Variants in SCAF8 observed in about 807,000 individuals in gnomAD.
SCAF8 encodes SR-related and CTD-associated factor 8.
A neutral mutation model predicts 140.5 loss-of-function variants in SCAF8; 23 were observed. The ratio of observed to expected loss-of-function variants is 0.16; its 90% confidence interval spans 0.12 to 0.23. SCAF8 has a LOEUF of 0.23. SCAF8 is among the 10% of genes least tolerant of loss of function. The pLI is 1.00. For synonymous variants in SCAF8, 575 were observed against 528.9 expected (o/e 1.09, Z -1.20); for missense variants, 1,397 against 1,555.7 (o/e 0.90, Z 1.72).
At chr6:154,761,443 A>G (rs1451198174) in intron 1 of SCAF8, among the ~76,000 whole-genome samples, 1 of 152,088 alleles carries the variant, frequency 6.6e-6, no homozygotes, top group African/African-American at 2.4e-5. Flanking sequence ...CTGAGATTGC[A>G]CCAGTGCACT....
chr6:154,832,658 A>T lies in SCAF8; in HGVS notation c.3079A>T (p.Ile1027Phe). 1 of 1,614,136 alleles carries T rather than the reference A, an allele frequency of 6.2e-7. No individual in the cohort carries two copies. The highest frequency in any genetic ancestry group is 1.1e-5 in the South Asian group (1 of 91,084). ...RFPPIETRESISRPPPVDVRD... is the reference protein window; with the variant it reads ...RFPPIETRESFSRPPPVDVRD... ...TCCTCCTATAGAAACCAGGGAAAGCATTAGTAGACCTCCCCCTGTGGATGT... is the reference window on the plus strand; with the variant it reads ...TCCTCCTATAGAAACCAGGGAAAGCTTTAGTAGACCTCCCCCTGTGGATGT... Residue 1027 changes from isoleucine (I) to phenylalanine (F), a missense_variant, in exon 20 of 20, where the codon ATT (isoleucine) becomes TTT (phenylalanine). Physicochemically the swap from Ile to Phe is conservative, Grantham distance 21. This residue lies in a region of SCAF8 where 930 missense variants were observed against 874.6 expected (regional missense o/e 1.06). Coordinates refer to ENST00000367178, the MANE Select transcript of SCAF8 (RefSeq NM_014892.5).
At chr6:154,741,492 C>T (rs528386177) in intron 1 of SCAF8, among the ~76,000 whole-genome samples, 88 of 152,088 alleles carry the variant, frequency 5.8e-4, no homozygotes, top group African/African-American at 1.8e-3. Context: ...CTGCAACCTC[C>T]GCCTCCTGGG....
At chr6:154,774,822 C>T (rs564320110) in intron 2 of SCAF8, among the ~76,000 whole-genome samples, 5 of 152,198 alleles carry the variant, frequency 3.3e-5, no homozygotes, top group South Asian at 4.1e-4. Flanking sequence ...TAAACATATG[C>T]GCAAAATTTT....
chr6:154,809,345 G>A (rs918514671), intron 11 of SCAF8, among the ~76,000 whole-genome samples: 3 of 152,048 alleles, frequency 2.0e-5, no homozygotes, highest in Non-Finnish European at 4.4e-5. Context: ...GGGGCAGTAC[G>A]TTTGATGAGT....
intron 1 of SCAF8, among the ~76,000 whole-genome samples, chr6:154,756,341 C>T (rs745837638): frequency 6.6e-6 from 1 of 152,176 alleles, no homozygotes; most frequent in Non-Finnish European, 1.5e-5. Flanking sequence ...TGTCAAAAAT[C>T]TCAGAAGGCT....
intron 1 of SCAF8, 118 bp downstream of exon 1, chr6:154,734,048 G>A: frequency 1.5e-6 from 2 of 1,369,952 alleles, no homozygotes; most frequent in Non-Finnish European, 1.9e-6. Flanking sequence ...GGTGAGCGGT[G>A]GCCTAGCAGT....
chr6:154,740,806 A>C (rs1778550536), intron 1 of SCAF8, among the ~76,000 whole-genome samples: 1 of 151,830 alleles, frequency 6.6e-6, no homozygotes, highest in African/African-American at 2.4e-5. Flanking sequence ...TTGAATAGAG[A>C]TGGGGTCTTG....
chr6:154,791,698 A>G (rs768390161), intron 4 of SCAF8, among the ~76,000 whole-genome samples: 13 of 152,192 alleles, frequency 8.5e-5, no homozygotes, highest in South Asian at 2.1e-4. Flanking sequence ...CAGCAACGTT[A>G]TATAGATCGT....
intron 2 of SCAF8, among the ~76,000 whole-genome samples, chr6:154,775,326 C>T (rs529462815): frequency 1.5e-4 from 23 of 152,196 alleles, no homozygotes; most frequent in African/African-American, 5.3e-4. Flanking sequence ...TTGATAGGCT[C>T]ATTGTGGAAT....
intron 5 of SCAF8, among the ~76,000 whole-genome samples, chr6:154,794,355 T>C (rs769422018): frequency 6.6e-6 from 1 of 152,196 alleles, no homozygotes; most frequent in Non-Finnish European, 1.5e-5. Context: ...TGTTAAGTAT[T>C]GTAGGCTTTA....
In SCAF8 at chr6:154,822,329, C is replaced by G. The variant is rs374113042; in HGVS notation, c.1846C>G (p.Gln616Glu). The part of the protein sequence containing the change: ...EPVKETVQTT[Q>E]SPTPVEKETV... ...TGTTAAAGAGACGGTCCAGACAACT[C>G]AGAGCCCAACTCCAGTTGAAAAGGA... The change falls in exon 16 of 20, where the codon CAG becomes GAG. Residue 616 changes from glutamine to glutamate, a missense_variant. By Grantham distance (29) the Gln-to-Glu change is conservative. This residue lies in a region of SCAF8 where 930 missense variants were observed against 874.6 expected (regional missense o/e 1.06). Transcript: ENST00000367178. The G allele has an allele frequency of 6.2e-7, 1 of 1,613,672 alleles. No individual in the cohort carries two copies. The highest frequency in any genetic ancestry group is 1.3e-5 in the African/African-American group (1 of 74,940).
intron 3 of SCAF8, among the ~76,000 whole-genome samples, chr6:154,785,792 A>G (rs1166988930): frequency 1.8e-4 from 27 of 152,256 alleles, no homozygotes; most frequent in Admixed American, 1.8e-3. Context: ...TTGGATGACA[A>G]AATGAAAAAT....
intron 1 of SCAF8, 76 bp downstream of exon 1, chr6:154,734,006 TG>T: frequency 7.0e-7 from 1 of 1,436,850 alleles, no homozygotes; most frequent in South Asian, 1.5e-5. Flanking sequence ...GCCCGGAGGG[TG>T]GGCGCGGGCC....
At chr6:154,773,115 A>G (rs1183842393) in intron 1 of SCAF8, among the ~76,000 whole-genome samples, 1 of 152,180 alleles carries the variant, frequency 6.6e-6, no homozygotes, top group Admixed American at 6.6e-5. Flanking sequence ...AAATCAGTCA[A>G]CTTAAAGTAT....
intron 12 of SCAF8, among the ~76,000 whole-genome samples, chr6:154,813,082 C>T (rs572561611): frequency 2.0e-5 from 3 of 151,502 alleles, no homozygotes; most frequent in East Asian, 3.9e-4. Flanking sequence ...GTTCACACTT[C>T]TGTAGTCCCA....
chr6:154,790,796 C>T (rs1283505476), intron 4 of SCAF8, among the ~76,000 whole-genome samples: 1 of 152,094 alleles, frequency 6.6e-6, no homozygotes, highest in Non-Finnish European at 1.5e-5. Context: ...AGGCGTGAGC[C>T]ACTGCACCTG....
intron 6 of SCAF8, among the ~76,000 whole-genome samples, chr6:154,796,389 C>CTCTCTCTCTCTCTCTGTCCG (rs376622207): frequency 1.4e-5 from 2 of 140,968 alleles, no homozygotes; most frequent in African/African-American, 5.5e-5. Flanking sequence ...CTCTCTCTCT[C>CTCTCTCTCTCTCTCTGTCCG]TCTGTCTCTC....
At chr6:154,796,353 T>TTCCG (rs772760237) in intron 6 of SCAF8, among the ~76,000 whole-genome samples, 5 of 75,198 alleles carry the variant, frequency 6.6e-5, no homozygotes, top group African/African-American at 4.0e-4. Context: ...TGCAATCCTG[T>TTCCG]TCTCTCTCTC....
rs1778440975 is a variant in SCAF8 at position 154,822,294 on chromosome 6, G to A, written c.1811G>A (p.Ser604Asn). ...TGTTTAGAGTGGGAAACTGTGAAAA[G>A]CTCAGAACCTGTTAAAGAGACGGTC... The part of the protein sequence containing the change: ...TVNTEWETVK[S>N]SEPVKETVQT... The change falls in exon 16 of 20, where the codon AGC (serine) becomes AAC (asparagine). Residue 604 changes from serine (S) to asparagine (N), a missense_variant. Transcript: ENST00000367178. 6.2e-7 allele frequency: 1 copy of A among 1,612,120 alleles called. No individual in the cohort carries two copies. Among genetic ancestry groups the A allele is most frequent in the African/African-American group, 1.3e-5 (1 of 74,810 alleles).
Sources: allele counts gnomAD v4.1 joint callset (sites outside exome capture counted in the v4.1 genomes callset), GRCh38; gene constraint gnomAD v4.1.1; regional missense constraint gnomAD v4.1.1; transcripts MANE v1.5; gene names NCBI Gene and HGNC (gene_info 2026-07-23, HGNC 2026-07-21).